The following MIB1 variants were observed in gnomAD, a reference collection of about 807,000 sequenced individuals.
MIB1 encodes the protein MIB E3 ubiquitin protein ligase 1, also known as E3 ubiquitin-protein ligase MIB1.
A neutral mutation model predicts 124.5 loss-of-function variants in MIB1; 278 were observed. That is an observed-to-expected ratio of 2.23 (90% CI 2.02 to 2.47). The LOEUF (loss-of-function observed/expected upper bound fraction) is 2.47. Ranked by LOEUF, MIB1 falls within the 30% of genes most tolerant of loss-of-function variation. The probability of loss-of-function intolerance (pLI) is 0.00; values close to 1 mark genes in which losing one functional copy is unlikely to be tolerated. For synonymous variants in MIB1, 446 were observed against 429.4 expected (o/e 1.04, Z -0.48); for missense variants, 957 against 1,254.4 (o/e 0.76, Z 3.58).
intron 1 of MIB1, among the ~76,000 whole-genome samples, chr18:21,761,667 A>T (rs537479643): frequency 6.6e-6 from 1 of 152,194 alleles, no homozygotes; most frequent in Admixed American, 6.5e-5. Context: ...AGGAAGTGAC[A>T]CTGTGAATTC....
rs1286714665 is a variant in MIB1, at chr18:21,832,900, A to T, written c.1830-5465A>T. ...TTTTGTTAATGATTTTGTAGCAGTG[A>T]AAGTACTTATTTTTTAAGCAAACAC... On this transcript the variant is annotated intron_variant, in intron 12 of 20. Coordinates refer to ENST00000261537, the MANE Select transcript of MIB1 (RefSeq NM_020774.4). Among the ~76,000 whole-genome samples the T allele has an allele frequency of 2.0e-5, 3 of 152,336 alleles. No individual in the cohort carries two copies. In the East Asian group the frequency reaches 5.8e-4, roughly 29 times the overall value.
intron 4 of MIB1, among the ~76,000 whole-genome samples, chr18:21,775,602 C>G (rs1224813962): frequency 6.6e-6 from 1 of 152,110 alleles, no homozygotes; most frequent in African/African-American, 2.4e-5. Flanking sequence ...ACTTTAGTTG[C>G]CAATTTTTAT....
At chr18:21,847,752 A>C (rs1037477426) in intron 16 of MIB1, among the ~76,000 whole-genome samples, 1 of 152,214 alleles carries the variant, frequency 6.6e-6, no homozygotes, top group Non-Finnish European at 1.5e-5. Context: ...ATCAGTGGAG[A>C]ATGAACAAAT....
At chr18:21,810,717 A>G (rs1568211402) in intron 10 of MIB1, among the ~76,000 whole-genome samples, 1 of 151,818 alleles carries the variant, frequency 6.6e-6, no homozygotes, top group Non-Finnish European at 1.5e-5. Flanking sequence ...ACCTAACACT[A>G]TATACAAAAA....
At chr18:21,744,197 T>C (rs1413345630) in intron 1 of MIB1, among the ~76,000 whole-genome samples, 2 of 151,820 alleles carry the variant, frequency 1.3e-5, no homozygotes, top group African/African-American at 2.4e-5. Flanking sequence ...TTTTCCTTTT[T>C]CTTCAAAATA....
At chr18:21,804,938 G>A (rs1170525272) in intron 10 of MIB1, among the ~76,000 whole-genome samples, 1 of 152,102 alleles carries the variant, frequency 6.6e-6, no homozygotes, top group Admixed American at 6.5e-5. Flanking sequence ...TAAAGAGCCT[G>A]TGGTTTTTAA....
intron 12 of MIB1, among the ~76,000 whole-genome samples, chr18:21,836,867 C>T (rs1249499409): frequency 2.0e-5 from 3 of 152,114 alleles, no homozygotes; most frequent in Admixed American, 6.6e-5. Context: ...AGTATAATGT[C>T]GTACCAATAC....
At chr18:21,739,729 C>T (rs757472169), upstream of MIB1, among the ~76,000 whole-genome samples, 5 of 151,952 alleles carry the variant, frequency 3.3e-5, no homozygotes, top group East Asian at 1.9e-4. Flanking sequence ...AAGCTCCCCA[C>T]TGCCCCCCCG....
In MIB1 at chr18:21,869,343, A is replaced by G. The variant is rs113252003; in HGVS notation, c.*4677A>G. ...AATCTATAATTTCAGGAAGTTATTG[A>G]AAGTTCTGACTCAGGGCTTTTTAAC... is the stretch of plus-strand genomic sequence containing the variant. On this transcript the variant is annotated 3_prime_UTR_variant, in exon 21 of 21. Transcript: ENST00000261537. The G allele has an allele frequency of 0.016, 2,460 of 152,564 alleles. 38 individuals are homozygous for G. The highest frequency in any genetic ancestry group is 0.069 in the East Asian group (358 of 5,182). The allele number at this position is 152,564 out of a possible 1,614,324, so 9.5% of individuals were successfully genotyped here.
At chr18:21,724,720 AAAAAAAAATATATAT>A (rs2040730384) in intron 1 of MIB1, among the ~76,000 whole-genome samples, 1 of 65,712 alleles carries the variant, frequency 1.5e-5, no homozygotes, top group African/African-American at 6.2e-5. Flanking sequence ...TCCAAAAAAA[AAAAAAAAATATATAT>A]ATATATATAT....
intron 15 of MIB1, among the ~76,000 whole-genome samples, chr18:21,845,473 C>T (rs2042127243): frequency 6.6e-6 from 1 of 152,012 alleles, no homozygotes; most frequent in South Asian, 2.1e-4. Flanking sequence ...ATGTTTTGTA[C>T]TAGAAGTTTA....
intron 1 of MIB1, among the ~76,000 whole-genome samples, chr18:21,748,440 T>G (rs1428623392): frequency 2.3e-5 from 3 of 132,098 alleles, no homozygotes; most frequent in East Asian, 5.1e-4. Flanking sequence ...TCCCTTTCTC[T>G]TCTTTCTTTC....
chr18:21,721,694 G>A (rs1473739492), intron 1 of MIB1, among the ~76,000 whole-genome samples: 1 of 152,120 alleles, frequency 6.6e-6, no homozygotes, highest in Admixed American at 6.5e-5. Context: ...TAATAAAACT[G>A]TAGCTTGTGG....
At position 21,795,407 on chromosome 18, in the gene MIB1, CAT is replaced by C. The variant is rs577078486; in HGVS notation, c.1093-2669_1093-2668del. The stretch of plus-strand genomic sequence containing the variant: ...ATATTTATTTTTATATATACACACA[CAT>C]ATATATAATATATAATTATTAGGAC... On this transcript the variant is annotated intron_variant, in intron 7 of 20. Transcript: ENST00000261537. Among the ~76,000 whole-genome samples, 29 of 143,430 alleles carry C rather than the reference CAT, an allele frequency of 2.0e-4. No individual in the cohort carries two copies. The East Asian group carries it at 4.2e-3, about 21-fold the overall frequency. The allele number at this position is 143,430 out of a possible 152,430, so 94.1% of individuals were successfully genotyped here.
At chr18:21,845,238 CTGA>C (rs1426193775) in intron 15 of MIB1, among the ~76,000 whole-genome samples, 2 of 152,062 alleles carry the variant, frequency 1.3e-5, no homozygotes, top group Admixed American at 1.3e-4. Context: ...TCTTGATCTC[CTGA>C]CCTCGTGATC....
In MIB1 at chr18:21,865,958, TC is replaced by T. The variant is rs939001189; in HGVS notation, c.*1294del. The T allele has an allele frequency of 6.6e-6, 1 of 152,190 alleles. No homozygotes were observed. Among genetic ancestry groups the T allele is most frequent in the African/African-American group, 2.4e-5 (1 of 41,454 alleles). The allele number at this position is 152,190 out of a possible 1,614,324, so 9.4% of individuals were successfully genotyped here. A position where few individuals can be genotyped will look rare whatever the true frequency, so the allele number is the denominator to read the frequency against. ...TAATCATTTTTTTTCTCCTTTTATC[TC>T]CTTTGTAATCTTATTGTCTCCTGAG... On this transcript the variant is annotated 3_prime_UTR_variant, in exon 21 of 21. Coordinates refer to ENST00000261537, the MANE Select transcript of MIB1 (RefSeq NM_020774.4).
intron 1 of MIB1, among the ~76,000 whole-genome samples, chr18:21,754,104 C>T (rs1261985927): frequency 6.6e-6 from 1 of 152,224 alleles, no homozygotes; most frequent in African/African-American, 2.4e-5. Flanking sequence ...TCCCTGTTGG[C>T]TCTGCCAGTA....
chr18:21,805,904 T>A (rs1350393451), intron 10 of MIB1, among the ~76,000 whole-genome samples: 1 of 144,232 alleles, frequency 6.9e-6, no homozygotes, highest in African/African-American at 2.6e-5. Context: ...TCTTTCCTTT[T>A]TTTTTTTTTT....
intron 1 of MIB1, among the ~76,000 whole-genome samples, chr18:21,724,561 C>T (rs1041614461): frequency 5.3e-5 from 8 of 149,546 alleles, no homozygotes; most frequent in Non-Finnish European, 1.0e-4. Flanking sequence ...AAAAATTAGC[C>T]GGGCGTGGTG....
Sources: allele counts gnomAD v4.1 joint callset (sites outside exome capture counted in the v4.1 genomes callset), GRCh38; gene constraint gnomAD v4.1.1; transcripts MANE v1.5; gene names NCBI Gene and HGNC (gene_info 2026-07-23, HGNC 2026-07-21).